The following VAV3 variants were observed in gnomAD, a reference collection of about 807,000 sequenced individuals.
VAV3 encodes the protein vav guanine nucleotide exchange factor 3.
A neutral mutation model predicts 131.2 loss-of-function variants in VAV3; 94 were observed. That is an observed-to-expected ratio of 0.72 (90% confidence interval 0.61 to 0.85). VAV3 has a LOEUF of 0.85. Ranked by LOEUF, VAV3 falls within the 40% of genes least tolerant of loss-of-function variation. The probability of loss-of-function intolerance (pLI) is 0.00; values close to 1 mark genes in which losing one functional copy is unlikely to be tolerated. For synonymous variants in VAV3, 349 were observed against 342.0 expected, an observed-to-expected ratio of 1.02 and a Z score of -0.22; for missense variants, 939 against 1,002.7, an observed-to-expected ratio of 0.94 and a Z score of 0.86.
chr1:107,666,560 G>T (rs1442663962), intron 19 of VAV3, among the ~76,000 whole-genome samples: 3 of 148,216 alleles, frequency 2.0e-5, no homozygotes, highest in East Asian at 2.0e-4. Context: ...TCTATGGCAA[G>T]ATCATTTGAG....
intron 1 of VAV3, among the ~76,000 whole-genome samples, chr1:107,875,475 G>A (rs978568882): frequency 1.3e-5 from 2 of 152,030 alleles, no homozygotes; most frequent in South Asian, 2.1e-4. Flanking sequence ...ATGGAGAACC[G>A]TAGCACACAA....
At chr1:107,731,334 G>A (rs1027002611) in intron 15 of VAV3, among the ~76,000 whole-genome samples, 5 of 152,168 alleles carry the variant, frequency 3.3e-5, no homozygotes, top group Non-Finnish European at 5.9e-5. Context: ...AACTTTCAAT[G>A]TATCCACACT....
chr1:107,836,987 G>C (rs1445081301), intron 2 of VAV3, among the ~76,000 whole-genome samples: 1 of 151,926 alleles, frequency 6.6e-6, no homozygotes, highest in Non-Finnish European at 1.5e-5. Flanking sequence ...AAGAAAAACT[G>C]GTACCAGTCC....
intron 2 of VAV3, among the ~76,000 whole-genome samples, chr1:107,840,360 C>A (rs140205461): frequency 6.6e-6 from 1 of 152,124 alleles, no homozygotes; most frequent in Non-Finnish European, 1.5e-5. Context: ...TGTGCAAAGA[C>A]CTTTCTTGAT....
Position 107,704,480 on chromosome 1 carries a change from G to A in VAV3, c.1705+70C>T, listed in dbSNP as rs1191074596. On this transcript the variant is annotated intron_variant, in intron 17 of 26. Coordinates refer to ENST00000370056, the MANE Select transcript of VAV3 (RefSeq NM_006113.5). ...ATAAACACATATTCAGAGTAAATTA[G>A]GCCTTAATTATGTTTAGCAAATTTT... The A allele has an allele frequency of 5.2e-6, 6 of 1,149,564 alleles. No homozygotes were observed. In the Admixed American group the frequency reaches 1.1e-4, roughly 21 times the overall value. 71.2% of individuals were successfully genotyped at this position (1,149,564 alleles called of 1,614,324 possible).
intron 2 of VAV3, chr1:107,820,726 C>T (rs1447147073): frequency 2.0e-5 from 3 of 151,892 alleles, no homozygotes; most frequent in Admixed American, 6.6e-5. Flanking sequence ...TCTCATGTAC[C>T]CCATAAACAT....
chr1:107,740,607 A>G (rs536369818), intron 15 of VAV3, among the ~76,000 whole-genome samples: 1 of 152,312 alleles, frequency 6.6e-6, no homozygotes, highest in Admixed American at 6.5e-5. Flanking sequence ...ACTAAAAATA[A>G]AAGAAAAAAA....
rs910396365 is a variant in VAV3, at chr1:107,863,634, C to T, written c.321+11267G>A. ...AAAAATTCCATGTGGATTACCACTT[C>T]GGCACCTTCCTAAATAACTTTCCCT... On this transcript the variant is annotated intron_variant, in intron 2 of 26. Coordinates refer to ENST00000370056, the MANE Select transcript of VAV3 (RefSeq NM_006113.5). Among the ~76,000 whole-genome samples, 18 of 152,282 alleles carry T rather than the reference C, an allele frequency of 1.2e-4. No homozygotes were observed. The East Asian group carries it at 1.5e-3, about 13-fold the overall frequency.
intron 1 of VAV3, among the ~76,000 whole-genome samples, chr1:107,959,053 G>A (rs1674957339): frequency 6.6e-6 from 1 of 152,102 alleles, no homozygotes; most frequent in Non-Finnish European, 1.5e-5. Flanking sequence ...CCTGAGGTCT[G>A]AAGTTTGAGA....
chr1:107,746,595 C>T (rs1469777705), intron 15 of VAV3, among the ~76,000 whole-genome samples: 2 of 152,154 alleles, frequency 1.3e-5, no homozygotes, highest in African/African-American at 2.4e-5. Context: ...TCCCTTCTTC[C>T]ATAGTAAAAG....
At chr1:107,586,609 G>A (rs1002723929) in intron 25 of VAV3, among the ~76,000 whole-genome samples, 2 of 152,112 alleles carry the variant, frequency 1.3e-5, no homozygotes, top group Non-Finnish European at 2.9e-5. Flanking sequence ...ATCTATCAGA[G>A]GGTGGTGAAG....
chr1:107,891,656 T>C (rs913427393), intron 1 of VAV3, among the ~76,000 whole-genome samples: 19 of 151,892 alleles, frequency 1.3e-4, no homozygotes, highest in Admixed American at 3.9e-4. Flanking sequence ...CTGGCCAACA[T>C]GGTGAAACCC....
chr1:107,768,485 A>C lies in VAV3; in HGVS notation c.673T>G (p.Phe225Val), dbSNP rs375937748. Residue 225 changes from phenylalanine (F) to valine (V), a missense_variant, in exon 7 of 27, where the codon TTT (phenylalanine) becomes GTT (valine). Transcript: ENST00000370056. ...GAATCAAATTCTGCTGCTGTCAGAA[A>C]TCTTTTTAGTGGTGCCATGAAATAC... is the stretch of plus-strand genomic sequence containing the variant. ...EKYFMAPLKR[F>V]LTAAEFDSVF... 1.9e-6 allele frequency: 3 copies of C among 1,612,638 alleles called. No homozygotes were observed. The highest frequency in any genetic ancestry group is 2.5e-6 in the Non-Finnish European group (3 of 1,179,340).
At chr1:107,589,736 TCAGAAAATAAAGG>T (rs1650792716) in intron 25 of VAV3, among the ~76,000 whole-genome samples, 1 of 151,782 alleles carries the variant, frequency 6.6e-6, no homozygotes, top group Non-Finnish European at 1.5e-5. Context: ...TACAATAAAA[TCAGAAAATAAAGG>T]CAGGTGAATA....
In VAV3 at chr1:107,796,800, A is replaced by ATAT. The variant is rs1553210372; in HGVS notation, c.322-17309_322-17308insATA. Among the ~76,000 whole-genome samples the ATAT allele has an allele frequency of 4.3e-3, 359 of 82,970 alleles. 4 individuals are homozygous for ATAT. Among genetic ancestry groups the ATAT allele is most frequent in the African/African-American group, 9.2e-3 (253 of 27,564 alleles). The allele number at this position is 82,970 out of a possible 152,430, so 54.4% of individuals were successfully genotyped here. A position where few individuals can be genotyped will look rare whatever the true frequency, so the allele number is the denominator to read the frequency against. ...ACATGCTGTTATTTGTAAAAAAAAA[A>ATAT]AAAAATATATATATATATGCAAATT... On this transcript the variant is annotated intron_variant, in intron 2 of 26. Coordinates refer to ENST00000370056, the MANE Select transcript of VAV3 (RefSeq NM_006113.5).
At chr1:107,739,568 A>G (rs1662884298) in intron 15 of VAV3, among the ~76,000 whole-genome samples, 1 of 152,244 alleles carries the variant, frequency 6.6e-6, no homozygotes, top group South Asian at 2.1e-4. Flanking sequence ...TTCTGCACCC[A>G]TAAACAAATT....
intron 25 of VAV3, 50 bp downstream of exon 25, chr1:107,596,162 C>A: frequency 6.3e-7 from 1 of 1,592,184 alleles, no homozygotes. Flanking sequence ...TGTTATTGTG[C>A]CCCTAATTTT....
At chr1:107,894,615 C>T (rs1371170659) in intron 1 of VAV3, among the ~76,000 whole-genome samples, 1 of 152,148 alleles carries the variant, frequency 6.6e-6, no homozygotes, top group South Asian at 2.1e-4. Flanking sequence ...GGTTACATTA[C>T]TCTCTCTATA....
intron 10 of VAV3, among the ~76,000 whole-genome samples, chr1:107,758,124 G>C (rs1664217243): frequency 6.6e-6 from 1 of 152,102 alleles, no homozygotes; most frequent in Non-Finnish European, 1.5e-5. Context: ...ACTTCCATCA[G>C]TGTCATCACT....
Sources: gnomAD v4.1 joint callset for allele counts (sites outside exome capture counted in the v4.1 genomes callset) on GRCh38, gnomAD v4.1.1 for gene constraint, MANE v1.5 for transcripts, NCBI Gene and HGNC (gene_info 2026-07-23, HGNC 2026-07-21) for gene names.